The following LRP1B variants were observed in gnomAD, a reference collection of about 807,000 sequenced individuals.
LRP1B encodes the protein low-density lipoprotein receptor-related protein 1B.
LRP1B carries 217 observed loss-of-function variants against 556.6 expected under a neutral mutation model. The ratio of observed to expected loss-of-function variants is 0.39; its 90% CI spans 0.35 to 0.44. LRP1B has a LOEUF of 0.44. Ranked by LOEUF, LRP1B falls within the 20% of genes least tolerant of loss-of-function variation. The pLI is 1.00. For synonymous variants in LRP1B, 2,047 were observed against 1,865.8 expected (o/e 1.10, Z -2.50); for missense variants, 5,053 against 5,620.8 (o/e 0.90, Z 3.23).
At chr2:141,874,273 C>T (rs569162545) in intron 1 of LRP1B, among the ~76,000 whole-genome samples, 2 of 151,828 alleles carry the variant, frequency 1.3e-5, no homozygotes, top group Admixed American at 1.3e-4. Flanking sequence ...TAAATTTTTA[C>T]TGTTGATCAC....
At chr2:140,387,916 A>G (rs1683832161) in intron 66 of LRP1B, among the ~76,000 whole-genome samples, 1 of 149,778 alleles carries the variant, frequency 6.7e-6, no homozygotes, top group African/African-American at 2.4e-5. Context: ...TACTCCTTGC[A>G]TGTGTTGCTT....
chr2:141,482,120 A>T (rs1375786445), intron 2 of LRP1B, among the ~76,000 whole-genome samples: 4 of 152,288 alleles, frequency 2.6e-5, no homozygotes, highest in African/African-American at 9.6e-5. Context: ...TTGCAATGTG[A>T]TAAAATTAGA....
chr2:140,502,623 A>T (rs1002765698), intron 54 of LRP1B, among the ~76,000 whole-genome samples: 1 of 152,084 alleles, frequency 6.6e-6, no homozygotes, highest in Admixed American at 6.6e-5. Flanking sequence ...AGTAAATTTT[A>T]ACTTTTTTGC....
At chr2:140,872,449 A>T (rs1249250191) in intron 25 of LRP1B, among the ~76,000 whole-genome samples, 1 of 143,550 alleles carries the variant, frequency 7.0e-6, no homozygotes, top group Admixed American at 7.4e-5. Flanking sequence ...TGTAGTTTAG[A>T]CACTTAGAAA....
chr2:140,640,614 AC>A lies in LRP1B; in HGVS notation c.6800-38976del, dbSNP rs1170402964. On this transcript the variant is annotated intron_variant, in intron 41 of 90. Transcript: ENST00000389484. ...GTTTCACCGTGGTCTCGATCTCCTG[AC>A]CTCGTGATCCGCCCACCTCGGCCTC... Among the ~76,000 whole-genome samples the A allele has an allele frequency of 8.5e-5, 12 of 141,412 alleles. No homozygotes were observed. In the East Asian group the frequency reaches 1.3e-3, roughly 16 times the overall value. The allele number at this position is 141,412 out of a possible 152,430, so 92.8% of individuals were successfully genotyped here. A position where few individuals can be genotyped will look rare whatever the true frequency, so the allele number is the denominator to read the frequency against.
At chr2:141,973,514 TG>T (rs1701802121) in intron 1 of LRP1B, among the ~76,000 whole-genome samples, 1 of 151,856 alleles carries the variant, frequency 6.6e-6, no homozygotes, top group African/African-American at 2.4e-5. Flanking sequence ...AGTGTTACAT[TG>T]ATTCACATTT....
rs2105313815 is a variant in LRP1B at position 140,450,595 on chromosome 2, C to T, written c.10030G>A (p.Asp3344Asn). The change falls in exon 63 of 91, where the codon GAT becomes AAT. Residue 3344 changes from aspartate to asparagine, a missense_variant. Asp to Asn is a conservative substitution (Grantham distance 23, BLOSUM62 1). Around this residue, in one of 5 missense-constraint regions of LRP1B, gnomAD observed 262 missense variants for 395.1 expected, o/e 0.66. Transcript: ENST00000389484. ...WKCDTVDDCG[D>N]GSDEPDDCPE... The stretch of plus-strand genomic sequence containing the variant: ...CAGTCATCAGGTTCATCAGATCCAT[C>T]ACCACAGTCATCCACGGTGTCACAT... 6.2e-7 allele frequency: 1 copy of T among 1,612,508 alleles called. No homozygotes were observed. Among genetic ancestry groups the T allele is most frequent in the Non-Finnish European group, 8.5e-7 (1 of 1,178,992 alleles).
intron 2 of LRP1B, among the ~76,000 whole-genome samples, chr2:141,740,136 A>G (rs1026592462): frequency 6.6e-6 from 1 of 152,162 alleles, no homozygotes; most frequent in Non-Finnish European, 1.5e-5. Flanking sequence ...TGCTATCTCC[A>G]TTTTGATAGC....
chr2:141,909,021 G>A (rs1449433382), intron 1 of LRP1B, among the ~76,000 whole-genome samples: 4 of 152,052 alleles, frequency 2.6e-5, no homozygotes, highest in Non-Finnish European at 4.4e-5. Context: ...CTTACGTACT[G>A]TGCATTAGTA....
chr2:140,486,789 T>C (rs1367428837), intron 58 of LRP1B, among the ~76,000 whole-genome samples: 1 of 151,898 alleles, frequency 6.6e-6, no homozygotes, highest in Non-Finnish European at 1.5e-5. Flanking sequence ...TGATCTTTTA[T>C]TATATAAACC....
chr2:141,149,095 G>A (rs1701857234), intron 7 of LRP1B, among the ~76,000 whole-genome samples: 2 of 151,942 alleles, frequency 1.3e-5, no homozygotes, highest in South Asian at 4.2e-4. Flanking sequence ...AAAAAAGTGA[G>A]GAATTCCTGA....
chr2:141,982,060 G>A (rs1387760235), intron 1 of LRP1B, among the ~76,000 whole-genome samples: 1 of 152,048 alleles, frequency 6.6e-6, no homozygotes, highest in African/African-American at 2.4e-5. Context: ...ATTTTGGGGG[G>A]ATTCAGATCC....
At chr2:141,278,907 G>A (rs1487097096) in intron 3 of LRP1B, among the ~76,000 whole-genome samples, 1 of 152,078 alleles carries the variant, frequency 6.6e-6, no homozygotes, top group Non-Finnish European at 1.5e-5. Flanking sequence ...ACTCTTAATT[G>A]CACAGGCAGA....
chr2:141,167,318 A>G (rs1457353877), intron 7 of LRP1B: 1 of 151,930 alleles, frequency 6.6e-6, no homozygotes, highest in South Asian at 2.1e-4. Context: ...TCTTCTTTGT[A>G]TCATTCCAGT....
chr2:140,255,833 C>T (rs1194830386), intron 86 of LRP1B, among the ~76,000 whole-genome samples: 1 of 152,164 alleles, frequency 6.6e-6, no homozygotes, highest in African/African-American at 2.4e-5. Context: ...CTGAAAGGAA[C>T]ATTAATCCAC....
chr2:141,567,448 G>C (rs1686372270), intron 2 of LRP1B, among the ~76,000 whole-genome samples: 1 of 152,110 alleles, frequency 6.6e-6, no homozygotes, highest in Non-Finnish European at 1.5e-5. Context: ...AGGACACCTA[G>C]TTGCCATATT....
chr2:140,666,245 A>G (rs78409491), intron 41 of LRP1B, among the ~76,000 whole-genome samples: 15,771 of 151,744 alleles, frequency 0.1, 965 homozygotes, highest in East Asian at 0.25. Flanking sequence ...TATCTGACTT[A>G]GATTCCCAAA....
intron 29 of LRP1B, among the ~76,000 whole-genome samples, chr2:140,845,211 C>T (rs1488184967): frequency 6.6e-6 from 1 of 152,138 alleles, no homozygotes; most frequent in Non-Finnish European, 1.5e-5. Context: ...CTAGAAACTA[C>T]TAGCTTATAT....
chr2:141,440,679 T>C (rs79931187), intron 3 of LRP1B, among the ~76,000 whole-genome samples: 6,315 of 152,280 alleles, frequency 0.041, 187 homozygotes, highest in Non-Finnish European at 0.059. Context: ...TGGAACTAAA[T>C]CTCCAACTGG....
Sources: allele counts gnomAD v4.1 joint callset (sites outside exome capture counted in the v4.1 genomes callset), GRCh38; gene constraint gnomAD v4.1.1; regional missense constraint gnomAD v4.1.1; transcripts MANE v1.5; gene names NCBI Gene and HGNC (gene_info 2026-07-23, HGNC 2026-07-21).